Variants in IGSF10 observed in about 807,000 individuals in gnomAD.
IGSF10 encodes immunoglobulin superfamily member 10.
Under a neutral mutation model 128.2 loss-of-function variants are expected in IGSF10, and 126 were observed. That is an observed-to-expected ratio of 0.98 (90% CI 0.85 to 1.14). IGSF10 has a LOEUF of 1.14. Among genes scored for constraint, IGSF10 ranks in the 50% most tolerant of loss-of-function variants. The probability of loss-of-function intolerance (pLI) is 0.00; values close to 1 mark genes in which losing one functional copy is unlikely to be tolerated. For missense variants in IGSF10, 3,295 were observed against 3,149.8 expected (o/e 1.05, Z -1.10); for synonymous variants, 1,185 against 1,146.2 (o/e 1.03, Z -0.68).
At chr3:151,589,132 C>G in the IGSF10 span, among the ~76,000 whole-genome samples, 1 of 152,014 alleles carries the variant, frequency 6.6e-6, no homozygotes, top group Non-Finnish European at 1.5e-5. Context: ...GCTAAATTTT[C>G]TTCAGTAAAA....
the IGSF10 span, among the ~76,000 whole-genome samples, chr3:151,486,061 A>G: frequency 6.6e-6 from 1 of 152,242 alleles, no homozygotes; most frequent in Non-Finnish European, 1.5e-5. Flanking sequence ...GACCCATCTC[A>G]CGTGCAAAGA....
At chr3:151,556,620 T>C in the IGSF10 span, among the ~76,000 whole-genome samples, 31 of 152,038 alleles carry the variant, frequency 2.0e-4, no homozygotes, top group Admixed American at 1.6e-3. Flanking sequence ...GACAGAGTCA[T>C]GGAATGTGTT....
chr3:151,460,083 CAAAG>C (rs927893728), intron 2 of IGSF10, among the ~76,000 whole-genome samples, 174 bp downstream of exon 2: 33 of 152,200 alleles, frequency 2.2e-4, no homozygotes, highest in Admixed American at 1.8e-3. Context: ...ATTAGATAAA[CAAAG>C]GAAGGAACAG....
At chr3:151,524,741 T>A in the IGSF10 span, among the ~76,000 whole-genome samples, 1 of 152,148 alleles carries the variant, frequency 6.6e-6, no homozygotes, top group Non-Finnish European at 1.5e-5. Context: ...TTTACCTGTG[T>A]AACAAACCTT....
intron 3 of IGSF10, 77 bp from the exon 4 acceptor site, chr3:151,457,232 CAA>C: frequency 1.5e-6 from 2 of 1,326,748 alleles, no homozygotes. Context: ...AAAATAAACA[CAA>C]GAAAACTCAA....
At position 151,460,232 on chromosome 3, in the gene IGSF10, G is replaced by A. The variant is rs1199877738; in HGVS notation, c.-2+29C>T. The A allele has an allele frequency of 1.0e-5, 7 of 670,922 alleles. No homozygotes were observed. The East Asian group carries it at 9.5e-4, about 91-fold the overall frequency. 41.6% of individuals were successfully genotyped at this position (670,922 alleles called of 1,614,324 possible). A position where few individuals can be genotyped will look rare whatever the true frequency, so the allele number is the denominator to read the frequency against. ...TTCTCACAAACGTAAGGCTGAAAATGTACATAATGAAATAGGAATTGGCAA... is the reference window on the plus strand; with the variant it reads ...TTCTCACAAACGTAAGGCTGAAAATATACATAATGAAATAGGAATTGGCAA... On this transcript the variant is annotated intron_variant, in intron 2 of 7. Transcript: ENST00000282466.
chr3:151,547,404 T>G, the IGSF10 span, among the ~76,000 whole-genome samples: 1 of 144,420 alleles, frequency 6.9e-6, no homozygotes, highest in African/African-American at 2.6e-5. Context: ...TCCTTAGTTT[T>G]CCATATATTA....
the IGSF10 span, among the ~76,000 whole-genome samples, chr3:151,581,170 C>A: frequency 1.1e-4 from 17 of 152,086 alleles, no homozygotes; most frequent in Admixed American, 1.1e-3. Context: ...TGAAAGTAGT[C>A]TGCCACGAAA....
the IGSF10 span, among the ~76,000 whole-genome samples, chr3:151,492,323 T>C: frequency 2.6e-5 from 4 of 152,104 alleles, no homozygotes; most frequent in Non-Finnish European, 4.4e-5. Context: ...TCACACCCAT[T>C]AGGATGACTA....
At chr3:151,488,390 T>C in the IGSF10 span, among the ~76,000 whole-genome samples, 2 of 152,166 alleles carry the variant, frequency 1.3e-5, no homozygotes, top group South Asian at 4.1e-4. Flanking sequence ...AAAATGGCCA[T>C]ACTGCCCAAA....
chr3:151,564,489 G>C, the IGSF10 span, among the ~76,000 whole-genome samples: 1 of 151,840 alleles, frequency 6.6e-6, no homozygotes, highest in African/African-American at 2.4e-5. Context: ...TACAAATTGG[G>C]AAATTGACCA....
At chr3:151,462,442 A>G (rs1336773856), upstream of IGSF10, among the ~76,000 whole-genome samples, 1 of 152,228 alleles carries the variant, frequency 6.6e-6, no homozygotes, top group Non-Finnish European at 1.5e-5. Context: ...TTAGTGAAAT[A>G]ACTTCTGAAA....
chr3:151,447,478 T>A lies in IGSF10; in HGVS notation c.2503A>T (p.Asn835Tyr), dbSNP rs1721264241. ...SRTISDSPMT[N>Y]INYGTEFSPV... ...GAGAATTCTGTGCCATAATTTATGT[T>A]TGTCATAGGACTATCAGATATTGTT... Residue 835 changes from asparagine (N) to tyrosine (Y), a missense_variant, in exon 6 of 8, where the codon AAC (asparagine) becomes TAC (tyrosine). Transcript: ENST00000282466. The A allele has an allele frequency of 6.2e-7, 1 of 1,614,234 alleles. No individual in the cohort carries two copies. The highest frequency in any genetic ancestry group is 8.5e-7 in the Non-Finnish European group (1 of 1,180,026).
At chr3:151,531,717 C>T in the IGSF10 span, among the ~76,000 whole-genome samples, 1 of 151,836 alleles carries the variant, frequency 6.6e-6, no homozygotes, top group Non-Finnish European at 1.5e-5. Flanking sequence ...ACTAAATGTC[C>T]ACAAGAGAAA....
At position 151,446,337 on chromosome 3, in the gene IGSF10, G is replaced by A. The variant is rs752981076; in HGVS notation, c.3644C>T (p.Pro1215Leu). The A allele has an allele frequency of 6.2e-6, 10 of 1,613,650 alleles. No individual in the cohort carries two copies. Among genetic ancestry groups the A allele is most frequent in the East Asian group, 2.2e-5 (1 of 44,870 alleles). The part of the protein sequence containing the change: ...WQQNFVNNHN[P>L]KGRLRNQHKV... Reference sequence around the variant, plus strand: ...ATGTTGATTCCTTAATCTGCCTTTTGGGTTATGGTTATTTACAAAGTTCTG... The same window carrying A: ...ATGTTGATTCCTTAATCTGCCTTTTAGGTTATGGTTATTTACAAAGTTCTG... The change falls in exon 6 of 8, where the codon CCA (proline) becomes CTA (leucine). Residue 1215 changes from proline (P) to leucine (L), a missense_variant. Coordinates refer to ENST00000282466, the MANE Select transcript of IGSF10 (RefSeq NM_178822.5).
At chr3:151,581,423 G>A in the IGSF10 span, among the ~76,000 whole-genome samples, 2 of 152,246 alleles carry the variant, frequency 1.3e-5, no homozygotes, top group South Asian at 2.1e-4. Flanking sequence ...TGTGCTCACT[G>A]TCACTACCAA....
At chr3:151,510,663 T>A in the IGSF10 span, among the ~76,000 whole-genome samples, 1 of 151,974 alleles carries the variant, frequency 6.6e-6, no homozygotes, top group Admixed American at 6.6e-5. Context: ...ATCAAACTAC[T>A]CTGAGCTAAA....
At chr3:151,469,652 A>G in the IGSF10 span, among the ~76,000 whole-genome samples, 5 of 152,188 alleles carry the variant, frequency 3.3e-5, no homozygotes, top group South Asian at 2.1e-4. Context: ...CCCAACTGAT[A>G]TAGGAAGAAT....
chr3:151,570,424 A>G, the IGSF10 span, among the ~76,000 whole-genome samples: 1 of 152,296 alleles, frequency 6.6e-6, no homozygotes, highest in Non-Finnish European at 1.5e-5. Flanking sequence ...AATGATCGCC[A>G]TTCTAACCGG....
Sources: allele counts gnomAD v4.1 joint callset (sites outside exome capture counted in the v4.1 genomes callset), GRCh38; gene constraint gnomAD v4.1.1; transcripts MANE v1.5; gene names NCBI Gene and HGNC (gene_info 2026-07-23, HGNC 2026-07-21).